Variants in CPNE8 observed in about 807,000 individuals in gnomAD.
CPNE8 encodes copine 8, also known as copine-8.
CPNE8 carries 45 observed loss-of-function variants against 81.5 expected under a neutral mutation model. That is an observed-to-expected ratio of 0.55 (90% CI 0.44 to 0.71). The LOEUF (loss-of-function observed/expected upper bound fraction) is 0.71. CPNE8 is among the 30% of genes least tolerant of loss of function. The pLI, the probability that CPNE8 is intolerant of heterozygous loss-of-function variation, is 0.00. For missense variants in CPNE8, 594 were observed against 672.1 expected, an observed-to-expected ratio of 0.88 and a Z score of 1.28; for synonymous variants, 252 against 226.3, an observed-to-expected ratio of 1.11 and a Z score of -1.02.
chr12:38,664,379 A>C (rs1444644499), intron 19 of CPNE8, among the ~76,000 whole-genome samples: 1 of 152,100 alleles, frequency 6.6e-6, no homozygotes, highest in Non-Finnish European at 1.5e-5. Context: ...GAAAGCCATC[A>C]TTATCATAAT....
At chr12:38,754,688 TG>T (rs1941423187) in intron 10 of CPNE8, among the ~76,000 whole-genome samples, 3 of 151,760 alleles carry the variant, frequency 2.0e-5, no homozygotes, top group African/African-American at 7.3e-5. Flanking sequence ...TAAAGTGAAA[TG>T]GGACAAAAAA....
intron 11 of CPNE8, 111 bp from the exon 12 acceptor site, chr12:38,725,010 A>G (rs1940661206): frequency 2.1e-6 from 2 of 947,860 alleles, no homozygotes; most frequent in African/African-American, 1.6e-5. Flanking sequence ...TTATGCATGT[A>G]TTCATTTACA....
At chr12:38,855,092 T>C (rs899984079) in intron 3 of CPNE8, among the ~76,000 whole-genome samples, 3 of 151,978 alleles carry the variant, frequency 2.0e-5, no homozygotes, top group East Asian at 1.9e-4. Context: ...AGTATTTCTT[T>C]ACACTAACAA....
intron 6 of CPNE8, among the ~76,000 whole-genome samples, chr12:38,799,707 G>C (rs572853888): frequency 6.6e-6 from 1 of 151,548 alleles, no homozygotes; most frequent in Non-Finnish European, 1.5e-5. Context: ...CGTGAGCGAC[G>C]CAGAAGACGG....
chr12:38,753,921 T>C (rs1941405545), intron 10 of CPNE8, among the ~76,000 whole-genome samples: 1 of 152,152 alleles, frequency 6.6e-6, no homozygotes, highest in Admixed American at 6.5e-5. Context: ...GTTTCAGGCA[T>C]CCACTGGGGG....
At chr12:38,805,486 G>A (rs1277330773) in intron 6 of CPNE8, among the ~76,000 whole-genome samples, 2 of 99,216 alleles carry the variant, frequency 2.0e-5, no homozygotes, top group African/African-American at 7.4e-5. Context: ...ACAGGAAGGG[G>A]AATATCACAC....
chr12:38,666,741 T>C (rs61937754), intron 19 of CPNE8, among the ~76,000 whole-genome samples: 49,849 of 152,040 alleles, frequency 0.33, 9,926 homozygotes, highest in Non-Finnish European at 0.45. Context: ...GAATCTTAAA[T>C]GCCATGTTTA....
intron 17 of CPNE8, 41 bp downstream of exon 17, chr12:38,677,411 T>C (rs1406864429): frequency 2.9e-6 from 3 of 1,041,482 alleles, no homozygotes; most frequent in East Asian, 2.4e-5. Flanking sequence ...TAGCACCATG[T>C]TGTCACGTAG....
chr12:38,905,973 G>A (rs1944565762), upstream of CPNE8: 2 of 985,288 alleles, frequency 2.0e-6, no homozygotes, highest in South Asian at 4.7e-5. Flanking sequence ...CTCCACCTCT[G>A]CACACCCACA....
intron 5 of CPNE8, among the ~76,000 whole-genome samples, chr12:38,835,823 G>A (rs1943370169): frequency 6.6e-6 from 1 of 152,104 alleles, no homozygotes; most frequent in Non-Finnish European, 1.5e-5. Context: ...CTTCACTGAA[G>A]TCTAGTATCT....
At chr12:38,748,446 C>G (rs777673380) in intron 10 of CPNE8, among the ~76,000 whole-genome samples, 1 of 152,060 alleles carries the variant, frequency 6.6e-6, no homozygotes. Flanking sequence ...TCCAATATTA[C>G]CTTAGAATAG....
At chr12:38,718,264 T>C (rs1940459484) in intron 13 of CPNE8, among the ~76,000 whole-genome samples, 1 of 152,130 alleles carries the variant, frequency 6.6e-6, no homozygotes, top group African/African-American at 2.4e-5. Context: ...GACCAAGGTG[T>C]GAATATTGCA....
chr12:38,845,081 A>G (rs948552199), intron 4 of CPNE8, among the ~76,000 whole-genome samples: 1 of 152,002 alleles, frequency 6.6e-6, no homozygotes. Context: ...GGGAGTCACA[A>G]ACACCTACTC....
intron 10 of CPNE8, among the ~76,000 whole-genome samples, chr12:38,751,806 A>G (rs1006298294): frequency 2.0e-5 from 3 of 152,142 alleles, no homozygotes; most frequent in Admixed American, 2.0e-4. Context: ...AGAGCTTCCT[A>G]TTTTGTCTAA....
chr12:38,901,403 G>C (rs181234876), intron 1 of CPNE8, among the ~76,000 whole-genome samples: 3 of 152,162 alleles, frequency 2.0e-5, no homozygotes, highest in Non-Finnish European at 4.4e-5. Flanking sequence ...CAAAATCAAG[G>C]ACCCAAGGAA....
chr12:38,660,110 A>T (rs1456136400), intron 19 of CPNE8, among the ~76,000 whole-genome samples: 2 of 152,216 alleles, frequency 1.3e-5, no homozygotes, highest in African/African-American at 4.8e-5. Context: ...AATGGAAAAA[A>T]CTACTTTAAA....
chr12:38,712,605 C>T (rs1423167276), intron 13 of CPNE8, among the ~76,000 whole-genome samples: 1 of 152,044 alleles, frequency 6.6e-6, no homozygotes, highest in Non-Finnish European at 1.5e-5. Flanking sequence ...CTGTATGGGG[C>T]CTGTTGATAA....
chr12:38,703,505 G>A (rs184392100), intron 13 of CPNE8, among the ~76,000 whole-genome samples: 8 of 152,170 alleles, frequency 5.3e-5, no homozygotes, highest in African/African-American at 1.9e-4. Context: ...ACATCATACT[G>A]AATGGGCAAA....
intron 6 of CPNE8, among the ~76,000 whole-genome samples, chr12:38,792,454 C>A (rs1365340065): frequency 6.6e-6 from 1 of 151,356 alleles, no homozygotes; most frequent in Non-Finnish European, 1.5e-5. Context: ...TGAACAACTG[C>A]AGGCCAAGAA....
Sources: allele counts gnomAD v4.1 joint callset (sites outside exome capture counted in the v4.1 genomes callset), GRCh38; gene constraint gnomAD v4.1.1; transcripts MANE v1.5; gene names NCBI Gene and HGNC (gene_info 2026-07-23, HGNC 2026-07-21).